The following LRRIQ1 variants were observed in gnomAD, a reference collection of about 807,000 sequenced individuals.
LRRIQ1 encodes the protein leucine-rich repeat- and IQ domain-containing protein 1.
Under a neutral mutation model 211.9 loss-of-function variants are expected in LRRIQ1, and 210 were observed. The ratio of observed to expected loss-of-function variants is 0.99; its 90% CI spans 0.89 to 1.11. The LOEUF (loss-of-function observed/expected upper bound fraction) is 1.11, where lower values mean the gene tolerates loss of function less well. Among genes scored for constraint, LRRIQ1 ranks in the 50% most tolerant of loss-of-function variants. The pLI, the probability that LRRIQ1 is intolerant of heterozygous loss-of-function variation, is 0.00. For synonymous variants in LRRIQ1, 699 were observed against 650.1 expected (o/e 1.08, Z -1.14); for missense variants, 2,136 against 1,939.5 (o/e 1.10, Z -1.90).
At chr12:85,217,504 A>ATG (rs1281339030) in intron 24 of LRRIQ1, among the ~76,000 whole-genome samples, 26 of 67,054 alleles carry the variant, frequency 3.9e-4, no homozygotes, top group Non-Finnish European at 5.8e-4. Flanking sequence ...ATATATATAT[A>ATG]TATATGTGTG....
chr12:85,075,118 T>G (rs1414403096), intron 11 of LRRIQ1, among the ~76,000 whole-genome samples: 1 of 152,106 alleles, frequency 6.6e-6, no homozygotes, highest in Non-Finnish European at 1.5e-5. Context: ...ATTAACTCAT[T>G]TGCTTTTCAC....
At position 85,124,499 on chromosome 12, in the gene LRRIQ1, T is replaced by C. The variant is rs1888227288; in HGVS notation, c.3987T>C (p.Asn1329=). ...MTNSLLRNHQ[N]IEPSEKIMAA... is the part of the protein sequence containing the mutation. ...ATTCTTTGCTGAGGAATCACCAAAA[T>C]ATTGAGCCTAGTGAAAAAATGTAAG... The change falls in exon 17 of 27, where the codon AAT becomes AAC. Residue 1329 remains asparagine (N), a synonymous_variant. Transcript: ENST00000393217. The C allele has an allele frequency of 6.2e-7, 1 of 1,611,794 alleles. No individual in the cohort carries two copies. The highest frequency in any genetic ancestry group is 8.5e-7 in the Non-Finnish European group (1 of 1,179,386).
chr12:85,228,746 A>G (rs1894789795), intron 24 of LRRIQ1, among the ~76,000 whole-genome samples: 1 of 152,208 alleles, frequency 6.6e-6, no homozygotes, highest in Admixed American at 6.5e-5. Flanking sequence ...TGCTTTATTC[A>G]TTTTCCAAAC....
At position 85,243,190 on chromosome 12, in the gene LRRIQ1, A is replaced by T. The variant is rs1298922984; in HGVS notation, c.5017-1599A>T. ...TGGTATTGCTTTGATATTTCCCCTTAACTTTTGACTGTTTTTTTTTTTAAG... is the reference window on the plus strand; with the variant it reads ...TGGTATTGCTTTGATATTTCCCCTTTACTTTTGACTGTTTTTTTTTTTAAG... On this transcript the variant is annotated intron_variant, in intron 26 of 26. Coordinates refer to ENST00000393217, the MANE Select transcript of LRRIQ1 (RefSeq NM_001079910.2). Among the ~76,000 whole-genome samples the T allele has an allele frequency of 2.2e-5, 3 of 138,850 alleles. No homozygotes were observed. In the South Asian group the frequency reaches 6.3e-4, roughly 29 times the overall value. 91.1% of individuals were successfully genotyped at this position (138,850 alleles called of 152,430 possible). A position where few individuals can be genotyped will look rare whatever the true frequency, so the allele number is the denominator to read the frequency against.
chr12:85,085,277 A>G (rs1884706564), intron 11 of LRRIQ1, among the ~76,000 whole-genome samples: 1 of 152,170 alleles, frequency 6.6e-6, no homozygotes, highest in Non-Finnish European at 1.5e-5. Context: ...GAAACTTACA[A>G]TCATGGTTAA....
chr12:85,253,315 A>G (rs186793639), intron 1 of LRRIQ1, among the ~76,000 whole-genome samples: 1 of 152,160 alleles, frequency 6.6e-6, no homozygotes, highest in Admixed American at 6.6e-5. Flanking sequence ...TCTTTAGTAA[A>G]TTACAGTTTG....
chr12:85,116,658 A>G (rs1347547917), intron 15 of LRRIQ1, among the ~76,000 whole-genome samples: 1 of 152,122 alleles, frequency 6.6e-6, no homozygotes, highest in Non-Finnish European at 1.5e-5. Flanking sequence ...TCACCCAGGT[A>G]TGAAGCCCAG....
intron 18 of LRRIQ1, among the ~76,000 whole-genome samples, chr12:85,134,745 GT>G (rs1889005145): frequency 6.6e-6 from 1 of 152,026 alleles, no homozygotes; most frequent in South Asian, 2.1e-4. Context: ...TGCACTATCT[GT>G]GACTTTCTAA....
intron 1 of LRRIQ1, among the ~76,000 whole-genome samples, chr12:85,260,979 T>C (rs994805131): frequency 6.6e-6 from 1 of 152,238 alleles, no homozygotes; most frequent in Non-Finnish European, 1.5e-5. Flanking sequence ...GAAGGACTAC[T>C]GACTGATTCA....
At chr12:85,054,863 T>C (rs1880794756) in intron 7 of LRRIQ1, among the ~76,000 whole-genome samples, 1 of 152,166 alleles carries the variant, frequency 6.6e-6, no homozygotes, top group African/African-American at 2.4e-5. Flanking sequence ...TATAGTCTCA[T>C]ATCCTTTTTG....
At chr12:85,173,447 A>G (rs1482723563) in intron 24 of LRRIQ1, among the ~76,000 whole-genome samples, 1 of 152,194 alleles carries the variant, frequency 6.6e-6, no homozygotes, top group Admixed American at 6.5e-5. Flanking sequence ...TATTTCTCAC[A>G]AATCTGCAGC....
downstream of LRRIQ1, among the ~76,000 whole-genome samples, chr12:85,247,194 A>G (rs1171403637): frequency 6.6e-6 from 1 of 151,550 alleles, no homozygotes; most frequent in Non-Finnish European, 1.5e-5. Flanking sequence ...GGCTTAGTCT[A>G]TTTTTCTGTA....
At chr12:85,253,771 G>T (rs1444497883) in intron 1 of LRRIQ1, among the ~76,000 whole-genome samples, 1 of 151,984 alleles carries the variant, frequency 6.6e-6, no homozygotes, top group Non-Finnish European at 1.5e-5. Context: ...ATGACTACAA[G>T]TATAAATTAT....
chr12:85,209,052 C>A (rs10082927), intron 24 of LRRIQ1, among the ~76,000 whole-genome samples: 8,427 of 152,130 alleles, frequency 0.055, 770 homozygotes, highest in African/African-American at 0.19. Context: ...AAAAAGGGAC[C>A]AGTCTAAGAT....
intron 13 of LRRIQ1, among the ~76,000 whole-genome samples, chr12:85,101,864 A>T (rs948822496): frequency 6.6e-6 from 1 of 151,452 alleles, no homozygotes; most frequent in African/African-American, 2.4e-5. Context: ...TTTTGATTCT[A>T]AAAAAAATTG....
chr12:85,264,841 A>G (rs573955294), downstream of LRRIQ1, among the ~76,000 whole-genome samples: 102 of 152,180 alleles, frequency 6.7e-4, no homozygotes, highest in African/African-American at 2.4e-3. Context: ...CCTGTGCTCT[A>G]TATCCTATCC....
At chr12:85,152,214 A>G in intron 19 of LRRIQ1, 66 bp from the exon 20 acceptor site, 1 of 1,341,242 alleles carries the variant, frequency 7.5e-7, no homozygotes, top group South Asian at 1.4e-5. Context: ...CTATAAGATG[A>G]ATTAAAAGAA....
intron 24 of LRRIQ1, among the ~76,000 whole-genome samples, chr12:85,175,547 G>T (rs868130788): frequency 2.0e-5 from 3 of 152,136 alleles, no homozygotes. Flanking sequence ...TCGTTCAGGG[G>T]TTTTAACAAT....
intron 19 of LRRIQ1, among the ~76,000 whole-genome samples, chr12:85,140,411 A>G (rs1444045571): frequency 1.3e-5 from 2 of 151,226 alleles, no homozygotes; most frequent in Non-Finnish European, 3.0e-5. Context: ...CTAAGTATAT[A>G]TAGAAATACA....
Sources: allele counts gnomAD v4.1 joint callset (sites outside exome capture counted in the v4.1 genomes callset), GRCh38; gene constraint gnomAD v4.1.1; transcripts MANE v1.5; gene names NCBI Gene and HGNC (gene_info 2026-07-23, HGNC 2026-07-21).